The following RIN3 variants were observed in gnomAD, a reference collection of about 807,000 sequenced individuals.
RIN3 encodes Ras and Rab interactor 3.
In RIN3, 54 loss-of-function variants were observed where a neutral mutation model predicts 76.3. The ratio of observed to expected loss-of-function variants is 0.71; its 90% CI spans 0.57 to 0.89. The LOEUF is 0.89. Among genes scored for constraint, RIN3 ranks in the 40% least tolerant of loss-of-function variants. RIN3 has a pLI of 0.00. For synonymous variants in RIN3, 576 were observed against 564.0 expected (o/e 1.02, Z -0.30); for missense variants, 1,256 against 1,322.1 (o/e 0.95, Z 0.78).
At chr14:92,591,167 G>C (rs140096301) in intron 3 of RIN3, among the ~76,000 whole-genome samples, 2 of 152,238 alleles carry the variant, frequency 1.3e-5, no homozygotes, top group Non-Finnish European at 2.9e-5. Flanking sequence ...AAATGCTAGA[G>C]ACCAAAAACA....
intron 2 of RIN3, among the ~76,000 whole-genome samples, chr14:92,570,150 G>C (rs1218454161): frequency 6.6e-6 from 1 of 152,210 alleles, no homozygotes; most frequent in Non-Finnish European, 1.5e-5. Flanking sequence ...ACAGAAATCT[G>C]CAGTTTGGTT....
chr14:92,659,523 A>C, intron 7 of RIN3, 54 bp downstream of exon 7: 2 of 1,482,588 alleles, frequency 1.3e-6, no homozygotes, highest in Non-Finnish European at 1.8e-6. Context: ...GTATGGGTCC[A>C]TGACCCCACC....
intron 2 of RIN3, among the ~76,000 whole-genome samples, chr14:92,558,177 C>T (rs1292690950): frequency 3.9e-5 from 6 of 152,092 alleles, no homozygotes; most frequent in Non-Finnish European, 5.9e-5. Flanking sequence ...GGCGAGACCC[C>T]GTCTCTACAA....
At chr14:92,579,196 G>A (rs981331282) in intron 3 of RIN3, among the ~76,000 whole-genome samples, 12 of 152,200 alleles carry the variant, frequency 7.9e-5, no homozygotes, top group African/African-American at 2.9e-4. Context: ...CCTAAGTGCT[G>A]GGATTACAGG....
chr14:92,538,115 A>G (rs1897049610), intron 1 of RIN3, among the ~76,000 whole-genome samples: 1 of 151,968 alleles, frequency 6.6e-6, no homozygotes, highest in Non-Finnish European at 1.5e-5. Context: ...TTGAGCCACC[A>G]CACCCGGCCA....
intron 8 of RIN3, among the ~76,000 whole-genome samples, chr14:92,683,480 G>T (rs184435731): frequency 3.3e-5 from 5 of 152,326 alleles, no homozygotes; most frequent in African/African-American, 1.2e-4. Context: ...TAAGCATCGT[G>T]TAAAATATTG....
At chr14:92,571,776 T>A (rs552088820) in intron 2 of RIN3, among the ~76,000 whole-genome samples, 20 of 152,284 alleles carry the variant, frequency 1.3e-4, no homozygotes, top group Non-Finnish European at 2.2e-4. Flanking sequence ...AGTGTTATAC[T>A]TCCAATTACA....
At chr14:92,639,191 C>T (rs968018867) in intron 4 of RIN3, among the ~76,000 whole-genome samples, 1 of 152,252 alleles carries the variant, frequency 6.6e-6, no homozygotes, top group Non-Finnish European at 1.5e-5. Flanking sequence ...CTCCCAGCCT[C>T]ATGTCACCAG....
chr14:92,590,381 A>G (rs1400485567), intron 3 of RIN3, among the ~76,000 whole-genome samples: 1 of 152,118 alleles, frequency 6.6e-6, no homozygotes, highest in African/African-American at 2.4e-5. Flanking sequence ...ACAGGGGTGG[A>G]TCCCTCATGG....
At chr14:92,522,453 C>T (rs17128386) in intron 1 of RIN3, among the ~76,000 whole-genome samples, 13,879 of 152,170 alleles carry the variant, frequency 0.091, 2,091 homozygotes, top group African/African-American at 0.31. Flanking sequence ...GGTGCAAGTA[C>T]GTGTTACCTT....
rs183487483 is a variant in RIN3 at position 92,618,399 on chromosome 14, G to T, written c.440+2920G>T. ...AGCCTTACCCCAAGGGTTCCAATGG[G>T]TATACAGTTCCAAGAGTATGGAGGG... On this transcript the variant is annotated intron_variant, in intron 4 of 9. Coordinates refer to ENST00000216487, the MANE Select transcript of RIN3 (RefSeq NM_024832.5). Among the ~76,000 whole-genome samples, 767 of 152,262 alleles carry T rather than the reference G, an allele frequency of 5.0e-3. 6 individuals carry two copies. The highest frequency in any genetic ancestry group is 0.01 in the Admixed American group (160 of 15,278).
At chr14:92,575,481 G>A (rs992884946) in intron 2 of RIN3, among the ~76,000 whole-genome samples, 2 of 152,154 alleles carry the variant, frequency 1.3e-5, no homozygotes, top group Non-Finnish European at 2.9e-5. Context: ...ATGCTCGACT[G>A]ATTATGCTTA....
In RIN3 at chr14:92,623,682, T is replaced by C. The variant is rs1019250765; in HGVS notation, c.440+8203T>C. 6.6e-6 allele frequency among the ~76,000 whole-genome samples: 1 copy of C among 152,078 alleles called. No individual in the cohort carries two copies. Among genetic ancestry groups the C allele is most frequent in the African/African-American group, 2.4e-5 (1 of 41,424 alleles). ...AATTGAATTAGAGCACAAGTACCAC[T>C]CCAGTTACTTGGCAGAGTGTCTAGC... On this transcript the variant is annotated intron_variant, in intron 4 of 9. Coordinates refer to ENST00000216487, the MANE Select transcript of RIN3 (RefSeq NM_024832.5). The surrounding 1 kb of genome is among the most constrained non-coding windows in gnomAD (Gnocchi z 4.9).
intron 4 of RIN3, among the ~76,000 whole-genome samples, chr14:92,638,299 G>A (rs1313056453): frequency 6.6e-6 from 1 of 152,208 alleles, no homozygotes; most frequent in Non-Finnish European, 1.5e-5. Context: ...ACCCACTAGA[G>A]GAAGATAAGC....
rs754319182 is a variant in RIN3 at position 92,598,642 on chromosome 14, G to A, written c.368-16765G>A. Among the ~76,000 whole-genome samples, 9 of 152,218 alleles carry A rather than the reference G, an allele frequency of 5.9e-5. No individual in the cohort carries two copies. In the East Asian group the frequency reaches 1.4e-3, roughly 23 times the overall value. ...AACAGGATTTAAACCCCAGAAACCC[G>A]GTTCCCAACATGAGTTGTTAACACT... is the stretch of plus-strand genomic sequence containing the variant. On this transcript the variant is annotated intron_variant, in intron 3 of 9. Coordinates refer to ENST00000216487, the MANE Select transcript of RIN3 (RefSeq NM_024832.5).
intron 1 of RIN3, among the ~76,000 whole-genome samples, chr14:92,543,907 C>T (rs1897184019): frequency 1.3e-5 from 2 of 152,232 alleles, no homozygotes; most frequent in East Asian, 3.9e-4. Context: ...TGCTCACCTG[C>T]CTCCTAACAG....
chr14:92,589,101 T>TTTCTTGCCTG (rs966489025), intron 3 of RIN3, among the ~76,000 whole-genome samples: 1 of 152,158 alleles, frequency 6.6e-6, no homozygotes, highest in South Asian at 2.1e-4. Context: ...AGTTTCTTGG[T>TTTCTTGCCTG]TTCTTGCCTG....
intron 5 of RIN3, among the ~76,000 whole-genome samples, chr14:92,645,452 G>A (rs189232689): frequency 5.9e-5 from 9 of 152,358 alleles, no homozygotes; most frequent in Admixed American, 5.2e-4. Flanking sequence ...GGACTGACAC[G>A]TGGTGCAGCA....
intron 7 of RIN3, among the ~76,000 whole-genome samples, chr14:92,669,309 T>C (rs935640131): frequency 6.6e-6 from 1 of 152,132 alleles, no homozygotes; most frequent in Non-Finnish European, 1.5e-5. Context: ...CTGGGGTCGA[T>C]AAAGCAGGGT....
Sources: allele counts gnomAD v4.1 joint callset (sites outside exome capture counted in the v4.1 genomes callset), GRCh38; gene constraint gnomAD v4.1.1; non-coding constraint Gnocchi (gnomAD v3.1); transcripts MANE v1.5; gene names NCBI Gene and HGNC (gene_info 2026-07-23, HGNC 2026-07-21).